The following FLT3 variants were observed in gnomAD, a reference collection of about 807,000 sequenced individuals.
FLT3 encodes the protein receptor-type tyrosine-protein kinase FLT3.
Under a neutral mutation model 126.6 loss-of-function variants are expected in FLT3, and 46 were observed. That is an observed-to-expected ratio of 0.36 (90% CI 0.29 to 0.46). The LOEUF is 0.46. FLT3 is among the 20% of genes least tolerant of loss of function. The probability of loss-of-function intolerance (pLI) is 1.00; values close to 1 mark genes in which losing one functional copy is unlikely to be tolerated. For missense variants in FLT3, 1,069 were observed against 1,190.3 expected (o/e 0.90, Z 1.50); for synonymous variants, 404 against 434.4 (o/e 0.93, Z 0.87).
At chr13:28,079,950 C>G (rs937690826) in intron 1 of FLT3, among the ~76,000 whole-genome samples, 1 of 152,142 alleles carries the variant, frequency 6.6e-6, no homozygotes. Context: ...GGATGCCAGG[C>G]TCTTTTTCAC....
chr13:28,026,731 C>T (rs553900528), intron 17 of FLT3, among the ~76,000 whole-genome samples: 89 of 152,308 alleles, frequency 5.8e-4, no homozygotes, highest in Non-Finnish European at 1.2e-4. Context: ...GCTCTCTTTG[C>T]ATATGTTAAG....
chr13:28,049,854 C>G, intron 6 of FLT3, 80 bp from the exon 7 acceptor site: 1 of 1,455,146 alleles, frequency 6.9e-7, no homozygotes, highest in Non-Finnish European at 9.3e-7. Flanking sequence ...ACATTCTGAA[C>G]AAAGACTTTA....
intron 15 of FLT3, among the ~76,000 whole-genome samples, chr13:28,033,536 C>T (rs957023568): frequency 1.1e-4 from 17 of 152,198 alleles, no homozygotes; most frequent in South Asian, 2.1e-4. Context: ...TGGTGGTGCA[C>T]GCCTGTAGCC....
In FLT3 at chr13:28,048,497, G is replaced by A. The variant is rs79886841; in HGVS notation, c.1037-54C>T. ...TAGTTAATAATATTCATAGGGAAAC[G>A]TATTGAGAAGATAAAATAAACTTGT... On this transcript the variant is annotated intron_variant, in intron 8 of 23. Coordinates refer to ENST00000241453, the MANE Select transcript of FLT3 (RefSeq NM_004119.3). 5.0e-4 allele frequency: 577 copies of A among 1,164,030 alleles called. 4 individuals carry two copies. In the East Asian group the frequency reaches 9.8e-3, roughly 20 times the overall value. The allele number at this position is 1,164,030 out of a possible 1,614,324, so 72.1% of individuals were successfully genotyped here. A position where few individuals can be genotyped will look rare whatever the true frequency, so the allele number is the denominator to read the frequency against.
chr13:28,049,546 T>C lies in FLT3; in HGVS notation c.883-9A>G. ...ATCTCAAAGTAGTTGCCCTAGGTTT[T>C]AATAAAACAGAGTTTGCATTTAATG... On this transcript the variant is annotated splice_polypyrimidine_tract_variant and intron_variant, in intron 7 of 23. Coordinates refer to ENST00000241453, the MANE Select transcript of FLT3 (RefSeq NM_004119.3). The C allele has an allele frequency of 6.2e-7, 1 of 1,612,874 alleles. No individual in the cohort carries two copies. Among genetic ancestry groups the C allele is most frequent in the Middle Eastern group, 1.7e-4 (1 of 6,058 alleles).
chr13:28,005,060 T>C (rs957340904), intron 23 of FLT3, among the ~76,000 whole-genome samples: 4 of 152,242 alleles, frequency 2.6e-5, no homozygotes, highest in Non-Finnish European at 5.9e-5. Flanking sequence ...CCGGGCGCAG[T>C]GGCTCATGCC....
intron 3 of FLT3, among the ~76,000 whole-genome samples, chr13:28,059,724 G>A (rs1471842538): frequency 1.3e-5 from 2 of 152,088 alleles, no homozygotes; most frequent in African/African-American, 2.4e-5. Context: ...CACTTTGGGA[G>A]GCCGAGGTGG....
chr13:28,035,888 A>G lies in FLT3; in HGVS notation c.1418+47T>C, dbSNP rs765903663. 1.5e-5 allele frequency: 21 copies of G among 1,435,570 alleles called. No homozygotes were observed. In the Admixed American group the frequency reaches 1.5e-4, roughly 10 times the overall value. The allele number at this position is 1,435,570 out of a possible 1,614,324, so 88.9% of individuals were successfully genotyped here. ...ATTCATGAAAGAGTCAATAGGTCAG[A>G]GAGTTTTATGTTCTTCCATTATAAG... On this transcript the variant is annotated intron_variant, in intron 11 of 23. Transcript: ENST00000241453.
intron 23 of FLT3, among the ~76,000 whole-genome samples, chr13:28,012,293 C>T (rs1871458357): frequency 1.3e-5 from 2 of 152,160 alleles, no homozygotes; most frequent in African/African-American, 4.8e-5. Context: ...TGATACCTGA[C>T]AGGCCCCCTG....
rs149501244 is a variant in FLT3 at position 28,026,808 on chromosome 13, G to A, written c.2207+280C>T. Among the ~76,000 whole-genome samples, 79 of 152,332 alleles carry A rather than the reference G, an allele frequency of 5.2e-4. 1 individual carries two copies. The highest frequency in any genetic ancestry group is 1.5e-3 in the African/African-American group (61 of 41,584). ...AGGCAACCAGGTGTCCTGAAAGACC[G>A]AATAATGCACCTTTCCCCAAACCAA... On this transcript the variant is annotated intron_variant, in intron 17 of 23. Coordinates refer to ENST00000241453, the MANE Select transcript of FLT3 (RefSeq NM_004119.3).
At chr13:28,084,347 T>G (rs766150558) in intron 1 of FLT3, among the ~76,000 whole-genome samples, 2 of 152,048 alleles carry the variant, frequency 1.3e-5, no homozygotes, top group Non-Finnish European at 2.9e-5. Flanking sequence ...AAAAATGTCC[T>G]GCAGTTATTA....
At position 28,057,474 on chromosome 13, in the gene FLT3, G is replaced by T. The variant is rs1164484890; in HGVS notation, c.369-12C>A. The T allele has an allele frequency of 4.3e-6, 5 of 1,168,168 alleles. No homozygotes were observed. Among genetic ancestry groups the T allele is most frequent in the East Asian group, 2.3e-5 (1 of 42,802 alleles). The allele number at this position is 1,168,168 out of a possible 1,614,324, so 72.4% of individuals were successfully genotyped here. On this transcript the variant is annotated splice_polypyrimidine_tract_variant and intron_variant, in intron 3 of 23. Transcript: ENST00000241453. ...TGGAAACAACTCCTCTGCAAAACAG[G>T]AAAGAGAACTAGTTATTTTGGAAAA...
intron 9 of FLT3, among the ~76,000 whole-genome samples, chr13:28,047,731 A>C (rs966944140): frequency 6.6e-6 from 1 of 151,478 alleles, no homozygotes; most frequent in African/African-American, 2.4e-5. Flanking sequence ...AAAAAAAAGA[A>C]AAAGAAAAAG....
At chr13:28,036,125 A>G in intron 10 of FLT3, 82 bp from the exon 11 acceptor site, 1 of 1,163,000 alleles carries the variant, frequency 8.6e-7, no homozygotes, top group Non-Finnish European at 1.3e-6. Flanking sequence ...TGTGAAGCCA[A>G]GGTGGGAGGA....
At position 28,050,406 on chromosome 13, in the gene FLT3, C is replaced by A. The variant is rs78333994; in HGVS notation, c.615-184G>T. Among the ~76,000 whole-genome samples, 5,767 of 152,158 alleles carry A rather than the reference C, an allele frequency of 0.038. 364 individuals carry two copies. Among genetic ancestry groups the A allele is most frequent in the African/African-American group, 0.13 (5,405 of 41,490 alleles). On this transcript the variant is annotated intron_variant, in intron 5 of 23. Transcript: ENST00000241453. ...CTCAGAGGGGAGCTAGCTAGTTACT[C>A]ATTATCGCAATGAATTAGCATAACA...
intron 3 of FLT3, among the ~76,000 whole-genome samples, chr13:28,059,658 A>T (rs188959283): frequency 1.3e-5 from 2 of 152,150 alleles, no homozygotes; most frequent in Admixed American, 6.5e-5. Flanking sequence ...CTTTAAAAAA[A>T]TTTTTTTTTA....
rs532331373 is a variant in FLT3 at position 28,035,496 on chromosome 13, T to C, written c.1596A>G (p.Pro532=). 1 of 1,612,408 alleles carries C rather than the reference T, an allele frequency of 6.2e-7. No homozygotes were observed. The highest frequency in any genetic ancestry group is 1.3e-5 in the African/African-American group (1 of 74,972). Residue 532 remains proline, a splice_region_variant and synonymous_variant, in exon 12 of 24, where the codon CCA becomes CCG. Coordinates refer to ENST00000241453, the MANE Select transcript of FLT3 (RefSeq NM_004119.3). ...ATATCACAAGAACAACTGTTGTACC[T>C]GGAGAGTTTAAAAGGATCGTCTCAC... ...TSCETILLNS[P]GPFPFIQDNI...
intron 9 of FLT3, among the ~76,000 whole-genome samples, chr13:28,039,856 A>G (rs7316962): frequency 0.48 from 72,281 of 151,824 alleles, 18,140 homozygotes; most frequent in East Asian, 0.73. Context: ...CCTTAATTTT[A>G]TTTTATGTAA....
In FLT3 at chr13:28,035,571, T is replaced by C. The variant is rs1275935565; in HGVS notation, c.1521A>G (p.Ile507Met). The stretch of plus-strand genomic sequence containing the variant: ...CACAGCACTTGACCAGGAACCCTTT[T>C]ATGGCTTCACTCATGTTTAGAGTAC... ...SSSTLNMSEA[I>M]KGFLVKCCAY... The change falls in exon 12 of 24, where the codon ATA (isoleucine) becomes ATG (methionine). Residue 507 changes from isoleucine (I) to methionine (M), a missense_variant. Coordinates refer to ENST00000241453, the MANE Select transcript of FLT3 (RefSeq NM_004119.3). The C allele has an allele frequency of 7.4e-6, 12 of 1,614,110 alleles. No homozygotes were observed. The South Asian group carries it at 8.8e-5, about 12-fold the overall frequency.
Sources: gnomAD v4.1 joint callset for allele counts (sites outside exome capture counted in the v4.1 genomes callset) on GRCh38, gnomAD v4.1.1 for gene constraint, MANE v1.5 for transcripts, NCBI Gene and HGNC (gene_info 2026-07-23, HGNC 2026-07-21) for gene names.